Variants in USP25 observed in about 807,000 individuals in gnomAD.
USP25 encodes the protein ubiquitin specific peptidase 25, also known as ubiquitin carboxyl-terminal hydrolase 25.
In USP25, 85 loss-of-function variants were observed where a neutral mutation model predicts 158.5. That is an observed-to-expected ratio of 0.54 (90% CI 0.45 to 0.64). The LOEUF (loss-of-function observed/expected upper bound fraction) is 0.64, where lower values mean the gene tolerates loss of function less well. USP25 is among the 30% of genes least tolerant of loss of function. The pLI is 0.00. For missense variants in USP25, 1,242 were observed against 1,327.3 expected (o/e 0.94, Z 1.00); for synonymous variants, 464 against 460.4 (o/e 1.01, Z -0.10).
At chr21:15,780,076 G>T (rs2034879780) in intron 4 of USP25, among the ~76,000 whole-genome samples, 1 of 152,060 alleles carries the variant, frequency 6.6e-6, no homozygotes, top group Non-Finnish European at 1.5e-5. Context: ...CATTTTAAAG[G>T]AAGACATTTA....
chr21:15,791,444 A>C, intron 4 of USP25, 58 bp from the exon 5 acceptor site: 1 of 1,452,166 alleles, frequency 6.9e-7, no homozygotes, highest in Non-Finnish European at 9.1e-7. Flanking sequence ...AGAATGTGTG[A>C]TATGCCTGGG....
intron 9 of USP25, among the ~76,000 whole-genome samples, chr21:15,817,373 A>G (rs1426066889): frequency 6.6e-6 from 1 of 152,044 alleles, no homozygotes; most frequent in Non-Finnish European, 1.5e-5. Flanking sequence ...ACCTTCATCC[A>G]TGCTACCTTT....
At chr21:15,841,567 C>T (rs2146440351) in intron 17 of USP25, among the ~76,000 whole-genome samples, 1 of 152,212 alleles carries the variant, frequency 6.6e-6, no homozygotes, top group Non-Finnish European at 1.5e-5. Context: ...ACAGCTCATT[C>T]ATTATTCAGC....
intron 21 of USP25, among the ~76,000 whole-genome samples, chr21:15,864,791 T>C (rs2039584948): frequency 1.3e-5 from 2 of 152,160 alleles, no homozygotes; most frequent in African/African-American, 2.4e-5. Flanking sequence ...TGTCCTATGA[T>C]TGTAGGATAT....
chr21:15,864,238 C>G (rs745950272), intron 20 of USP25, 30 bp from the exon 21 acceptor site: 1 of 1,578,388 alleles, frequency 6.3e-7, no homozygotes, highest in South Asian at 1.2e-5. Flanking sequence ...AATAATTAAC[C>G]AAAATTATCA....
chr21:15,832,142 A>G (rs771181106), intron 16 of USP25, among the ~76,000 whole-genome samples: 4 of 152,108 alleles, frequency 2.6e-5, no homozygotes, highest in Non-Finnish European at 4.4e-5. Flanking sequence ...TTCAGGTGTC[A>G]TTTCCCCTGC....
At chr21:15,734,773 A>G (rs2031323400) in intron 1 of USP25, among the ~76,000 whole-genome samples, 1 of 152,112 alleles carries the variant, frequency 6.6e-6, no homozygotes, top group South Asian at 2.1e-4. Flanking sequence ...AGTTTTATAA[A>G]TGTTTCAAAA....
chr21:15,786,997 C>T (rs1480224261), intron 4 of USP25, among the ~76,000 whole-genome samples: 3 of 151,996 alleles, frequency 2.0e-5, no homozygotes, highest in African/African-American at 4.8e-5. Context: ...AATAAGAAAA[C>T]AATTTCATTT....
intron 5 of USP25, among the ~76,000 whole-genome samples, chr21:15,796,493 T>C (rs1475436597): frequency 6.6e-6 from 1 of 151,488 alleles, no homozygotes; most frequent in Non-Finnish European, 1.5e-5. Flanking sequence ...CAGAACTGAC[T>C]GCTGCGTAGT....
At chr21:15,836,346 G>C (rs77799642) in intron 17 of USP25, among the ~76,000 whole-genome samples, 1 of 152,154 alleles carries the variant, frequency 6.6e-6, no homozygotes, top group Admixed American at 6.5e-5. Context: ...AAATTCATGC[G>C]TATCAGTTCA....
intron 1 of USP25, among the ~76,000 whole-genome samples, chr21:15,739,671 A>G (rs905297944): frequency 6.6e-6 from 1 of 152,138 alleles, no homozygotes; most frequent in African/African-American, 2.4e-5. Context: ...TTTACTCTCT[A>G]ATGTCATAGA....
intron 7 of USP25, 128 bp downstream of exon 7, chr21:15,805,386 C>T (rs1184282968): frequency 4.4e-6 from 4 of 912,736 alleles, no homozygotes; most frequent in Non-Finnish European, 5.9e-6. Flanking sequence ...AACCTGGAAC[C>T]ATTTAAAACA....
At chr21:15,869,991 G>A (rs777862330) in intron 22 of USP25, 77 bp from the exon 23 acceptor site, 7 of 1,037,636 alleles carry the variant, frequency 6.7e-6, no homozygotes, top group Non-Finnish European at 7.0e-6. Flanking sequence ...GCGAAACAGT[G>A]CATTACTTTT....
intron 1 of USP25, 49 bp downstream of exon 1, chr21:15,730,487 C>A: frequency 7.6e-7 from 1 of 1,311,124 alleles, no homozygotes; most frequent in South Asian, 2.1e-5. Flanking sequence ...TTCCGACGGG[C>A]TGTCCTCTCC....
chr21:15,824,799 A>G (rs781286484), intron 11 of USP25, among the ~76,000 whole-genome samples, 167 bp from the exon 12 acceptor site: 1 of 152,218 alleles, frequency 6.6e-6, no homozygotes, highest in Non-Finnish European at 1.5e-5. Flanking sequence ...GTATTTTAGT[A>G]GAGACGAGAT....
At chr21:15,835,432 T>G (rs2038017716) in intron 17 of USP25, among the ~76,000 whole-genome samples, 1 of 150,932 alleles carries the variant, frequency 6.6e-6, no homozygotes, top group Non-Finnish European at 1.5e-5. Flanking sequence ...CATTTTACAT[T>G]TGTCATCTTT....
At chr21:15,761,899 C>T (rs1044935613) in intron 1 of USP25, among the ~76,000 whole-genome samples, 3 of 152,154 alleles carry the variant, frequency 2.0e-5, no homozygotes, top group Admixed American at 1.3e-4. Context: ...CTGCCCTATG[C>T]GCCTTGGTCA....
At chr21:15,741,935 G>C (rs1307170035) in intron 1 of USP25, among the ~76,000 whole-genome samples, 1 of 152,072 alleles carries the variant, frequency 6.6e-6, no homozygotes, top group African/African-American at 2.4e-5. Flanking sequence ...ACAATTAATT[G>C]CACACATACA....
chr21:15,752,297 C>T (rs2033078113), intron 1 of USP25, among the ~76,000 whole-genome samples: 1 of 151,288 alleles, frequency 6.6e-6, no homozygotes, highest in Non-Finnish European at 1.5e-5. Context: ...CTCACTGCAA[C>T]CTCCACCTCC....
Sources: allele counts gnomAD v4.1 joint callset (sites outside exome capture counted in the v4.1 genomes callset), GRCh38; gene constraint gnomAD v4.1.1; transcripts MANE v1.5; gene names NCBI Gene and HGNC (gene_info 2026-07-23, HGNC 2026-07-21).